The following SPOCK3 variants were observed in gnomAD, a reference collection of about 807,000 sequenced individuals.
SPOCK3 encodes SPARC (osteonectin), cwcv and kazal like domains proteoglycan 3, also known as testican-3.
A neutral mutation model predicts 56.6 loss-of-function variants in SPOCK3; 30 were observed. That is an observed-to-expected ratio of 0.53 (90% confidence interval 0.40 to 0.72). SPOCK3 has a LOEUF of 0.72. SPOCK3 is among the 30% of genes least tolerant of loss of function. The pLI is 0.00. For missense variants in SPOCK3, 527 were observed against 530.0 expected (o/e 0.99, Z 0.06); for synonymous variants, 196 against 183.3 (o/e 1.07, Z -0.56).
chr4:166,869,606 C>CTGTG (rs34623275), intron 6 of SPOCK3, among the ~76,000 whole-genome samples: 11,985 of 141,730 alleles, frequency 0.085, 450 homozygotes, highest in African/African-American at 0.11. Context: ...CAATAGAATT[C>CTGTG]TGTGTGTGTG....
intron 2 of SPOCK3, among the ~76,000 whole-genome samples, chr4:167,072,706 T>C (rs987800718): frequency 6.6e-6 from 1 of 151,938 alleles, no homozygotes; most frequent in Admixed American, 6.6e-5. Flanking sequence ...CAGTATCTCA[T>C]CTAGCTTTGG....
intron 6 of SPOCK3, among the ~76,000 whole-genome samples, chr4:166,810,168 C>G (rs1384829801): frequency 6.6e-6 from 1 of 152,074 alleles, no homozygotes; most frequent in African/African-American, 2.4e-5. Flanking sequence ...GTGTCTTGTC[C>G]TTTATTGCAG....
intron 2 of SPOCK3, among the ~76,000 whole-genome samples, chr4:167,084,029 T>A (rs920661290): frequency 4.6e-5 from 7 of 152,120 alleles, no homozygotes; most frequent in Non-Finnish European, 8.8e-5. Flanking sequence ...TGGAGAATAA[T>A]CCTTGGTTTG....
intron 6 of SPOCK3, among the ~76,000 whole-genome samples, chr4:166,850,290 G>T (rs1044918079): frequency 6.6e-6 from 1 of 152,144 alleles, no homozygotes; most frequent in Non-Finnish European, 1.5e-5. Flanking sequence ...ATATGAATGT[G>T]TCTAAGGTGG....
At chr4:166,910,416 A>G (rs1399944098) in intron 5 of SPOCK3, among the ~76,000 whole-genome samples, 1 of 152,194 alleles carries the variant, frequency 6.6e-6, no homozygotes, top group Non-Finnish European at 1.5e-5. Context: ...TAGATGATTT[A>G]TAAGCCAAGG....
At chr4:167,137,288 A>AT (rs540526590) in intron 2 of SPOCK3, among the ~76,000 whole-genome samples, 19 of 152,042 alleles carry the variant, frequency 1.2e-4, no homozygotes, top group Admixed American at 2.6e-4. Context: ...AAATACAGTC[A>AT]TTTTTTCCTG....
chr4:166,755,223 G>A (rs1318504210), intron 7 of SPOCK3, among the ~76,000 whole-genome samples: 1 of 152,036 alleles, frequency 6.6e-6, no homozygotes, highest in African/African-American at 2.4e-5. Flanking sequence ...TGGTGACTGT[G>A]CTATTTCACA....
chr4:167,055,649 T>C (rs910896927), intron 3 of SPOCK3, among the ~76,000 whole-genome samples: 7 of 152,208 alleles, frequency 4.6e-5, no homozygotes, highest in African/African-American at 1.7e-4. Flanking sequence ...CAGGAGATTA[T>C]ATCCCGCACC....
intron 2 of SPOCK3, among the ~76,000 whole-genome samples, chr4:167,103,702 TCAC>T (rs1218679989): frequency 6.6e-6 from 1 of 152,144 alleles, no homozygotes; most frequent in Non-Finnish European, 1.5e-5. Flanking sequence ...CTAGCTGGCT[TCAC>T]CACCTGCAGA....
At chr4:167,020,685 A>G (rs539066655) in intron 3 of SPOCK3, among the ~76,000 whole-genome samples, 1 of 152,178 alleles carries the variant, frequency 6.6e-6, no homozygotes, top group Admixed American at 6.6e-5. Context: ...TGTGAGAAAT[A>G]TGTATGTGTT....
chr4:166,923,375 C>T (rs1410942038), intron 4 of SPOCK3, among the ~76,000 whole-genome samples: 2 of 152,146 alleles, frequency 1.3e-5, no homozygotes, highest in East Asian at 3.9e-4. Flanking sequence ...ATGATATTCG[C>T]AGATTATGGG....
At chr4:167,223,028 ATAT>A (rs369656471) in intron 2 of SPOCK3, among the ~76,000 whole-genome samples, 22 of 115,008 alleles carry the variant, frequency 1.9e-4, no homozygotes, top group African/African-American at 3.0e-4. Flanking sequence ...AATATATAAT[ATAT>A]TATATTTTAT....
chr4:166,753,069 A>G (rs1056790697), intron 8 of SPOCK3, among the ~76,000 whole-genome samples: 1 of 152,060 alleles, frequency 6.6e-6, no homozygotes, highest in Non-Finnish European at 1.5e-5. Flanking sequence ...AAATATTGCT[A>G]CAAAACCTAA....
intron 2 of SPOCK3, among the ~76,000 whole-genome samples, chr4:167,180,588 A>G (rs937516725): frequency 1.3e-5 from 2 of 152,218 alleles, no homozygotes; most frequent in African/African-American, 4.8e-5. Context: ...TCTCATTTTT[A>G]TGCACACAAT....
chr4:166,900,673 A>G (rs1380877861), intron 5 of SPOCK3, among the ~76,000 whole-genome samples: 1 of 152,168 alleles, frequency 6.6e-6, no homozygotes. Flanking sequence ...GAATCCACTG[A>G]TAGTAGTATA....
intron 7 of SPOCK3, among the ~76,000 whole-genome samples, chr4:166,766,125 A>G (rs1738003324): frequency 2.6e-5 from 4 of 152,184 alleles, no homozygotes; most frequent in Admixed American, 2.6e-4. Flanking sequence ...CAATCATGTC[A>G]TCTGCAAACA....
intron 4 of SPOCK3, among the ~76,000 whole-genome samples, chr4:166,935,002 CA>C (rs1561027053): frequency 1.3e-5 from 2 of 151,882 alleles, no homozygotes; most frequent in Non-Finnish European, 2.9e-5. Flanking sequence ...CTCTGAGAAG[CA>C]AAAAAGTCGG....
chr4:166,809,893 T>G (rs1238818080), intron 6 of SPOCK3, among the ~76,000 whole-genome samples: 1 of 152,110 alleles, frequency 6.6e-6, no homozygotes, highest in Non-Finnish European at 1.5e-5. Context: ...TCTGTAATCA[T>G]GTATGAGCAC....
rs957973958 is a variant in SPOCK3 at position 167,012,615 on chromosome 4, CAG to C, written c.236-12154_236-12153del. Among the ~76,000 whole-genome samples the C allele has an allele frequency of 6.6e-5, 10 of 151,820 alleles. 1 individual carries two copies. Among genetic ancestry groups the C allele is most frequent in the East Asian group, 5.8e-4 (3 of 5,160 alleles). Reference sequence around the variant, plus strand: ...TTAAAAGCAGATGAATAGTAAAACTCAGAGTTTAGTGGCAATTTTGGAAAAAT... The same window carrying C: ...TTAAAAGCAGATGAATAGTAAAACTCAGTTTAGTGGCAATTTTGGAAAAAT... On this transcript the variant is annotated intron_variant, in intron 3 of 10. Coordinates refer to ENST00000357545, the MANE Select transcript of SPOCK3 (RefSeq NM_001040159.2).
Sources: allele counts gnomAD v4.1 joint callset (sites outside exome capture counted in the v4.1 genomes callset), GRCh38; gene constraint gnomAD v4.1.1; transcripts MANE v1.5; gene names NCBI Gene and HGNC (gene_info 2026-07-23, HGNC 2026-07-21).